The following MARK1 variants were observed in gnomAD, a reference collection of about 807,000 sequenced individuals.
MARK1 encodes microtubule affinity regulating kinase 1.
A neutral mutation model predicts 96.3 loss-of-function variants in MARK1; 40 were observed. That is an observed-to-expected ratio of 0.42 (90% CI 0.32 to 0.54). The LOEUF (loss-of-function observed/expected upper bound fraction) is 0.54, where lower values mean the gene tolerates loss of function less well. Ranked by LOEUF, MARK1 falls within the 20% of genes least tolerant of loss-of-function variation. The probability of loss-of-function intolerance (pLI) is 0.16; values close to 1 mark genes in which losing one functional copy is unlikely to be tolerated. For synonymous variants in MARK1, 317 were observed against 341.2 expected, an observed-to-expected ratio of 0.93 and a Z score of 0.78; for missense variants, 719 against 984.6, an observed-to-expected ratio of 0.73 and a Z score of 3.61.
chr1:220,609,478 A>G (rs1666298183), intron 6 of MARK1, among the ~76,000 whole-genome samples: 1 of 152,166 alleles, frequency 6.6e-6, no homozygotes, highest in Non-Finnish European at 1.5e-5. Flanking sequence ...TCCTGAATAC[A>G]GCACACTGAT....
intron 1 of MARK1, among the ~76,000 whole-genome samples, chr1:220,563,505 A>AAAC: frequency 6.6e-6 from 1 of 152,320 alleles, no homozygotes; most frequent in Non-Finnish European, 1.5e-5. Flanking sequence ...AATCAGATGA[A>AAAC]AACAAGTAAA....
intron 6 of MARK1, among the ~76,000 whole-genome samples, chr1:220,615,210 ACTGTTGG>A (rs1666670424): frequency 6.6e-6 from 1 of 152,076 alleles, no homozygotes; most frequent in Non-Finnish European, 1.5e-5. Flanking sequence ...TGGCCTTTAA[ACTGTTGG>A]GTTCCTCCTT....
intron 13 of MARK1, among the ~76,000 whole-genome samples, chr1:220,647,813 G>T (rs957794869): frequency 7.2e-5 from 11 of 152,164 alleles, no homozygotes; most frequent in Non-Finnish European, 1.5e-4. Context: ...AACACCACAT[G>T]TTCTCACTTA....
At chr1:220,619,752 T>C (rs1224513750) in intron 9 of MARK1, among the ~76,000 whole-genome samples, 1 of 152,260 alleles carries the variant, frequency 6.6e-6, no homozygotes, top group Admixed American at 6.5e-5. Flanking sequence ...TTAAGTATTT[T>C]GCCCATCTGT....
rs6670387 is a variant in MARK1, at chr1:220,623,136, T to C, written c.909+4381T>C. On this transcript the variant is annotated intron_variant, in intron 9 of 17. Transcript: ENST00000366917. ...GATGAGTTTATTCAGCTAGTTTCTA[T>C]GTCTAGTGCAGTTGGTTGGCCTAGT... Among the ~76,000 whole-genome samples, 1,314 of 152,320 alleles carry C rather than the reference T, an allele frequency of 8.6e-3. 16 individuals are homozygous for C. Among genetic ancestry groups the C allele is most frequent in the African/African-American group, 0.029 (1,201 of 41,568 alleles).
chr1:220,625,751 A>C (rs1036583993), intron 9 of MARK1: 11 of 445,728 alleles, frequency 2.5e-5, no homozygotes, highest in African/African-American at 2.2e-4. Flanking sequence ...TGACGCAGAC[A>C]CAGGGCACCA....
At chr1:220,565,557 G>A (rs1244065166) in intron 1 of MARK1, among the ~76,000 whole-genome samples, 1 of 151,932 alleles carries the variant, frequency 6.6e-6, no homozygotes, top group Non-Finnish European at 1.5e-5. Context: ...GATTGCCTAT[G>A]AAGAGCGGGG....
At chr1:220,650,553 A>G in intron 13 of MARK1, 67 bp from the exon 14 acceptor site, 1 of 1,018,004 alleles carries the variant, frequency 9.8e-7, no homozygotes, top group Non-Finnish European at 1.5e-6. Flanking sequence ...GTCAGCTTAA[A>G]TACATTTCTT....
intron 9 of MARK1, among the ~76,000 whole-genome samples, chr1:220,630,422 C>T (rs574955694): frequency 6.6e-6 from 1 of 152,262 alleles, no homozygotes; most frequent in African/African-American, 2.4e-5. Flanking sequence ...TGCCTTTTAA[C>T]AGCCCAGGAC....
chr1:220,546,425 G>T (rs1661495526), intron 1 of MARK1, among the ~76,000 whole-genome samples: 1 of 152,178 alleles, frequency 6.6e-6, no homozygotes, highest in Admixed American at 6.5e-5. Context: ...ATTTAGGGCA[G>T]AAGAATAGGA....
At chr1:220,558,447 T>G (rs2102767622) in intron 1 of MARK1, among the ~76,000 whole-genome samples, 1 of 151,908 alleles carries the variant, frequency 6.6e-6, no homozygotes, top group East Asian at 1.9e-4. Context: ...AAAAAATAGT[T>G]TCTCAGCTTG....
At chr1:220,656,223 A>G (rs1244185729) in intron 16 of MARK1, among the ~76,000 whole-genome samples, 1 of 152,224 alleles carries the variant, frequency 6.6e-6, no homozygotes, top group Non-Finnish European at 1.5e-5. Context: ...GGCTACTTAA[A>G]GCAGACTTCC....
intron 1 of MARK1, among the ~76,000 whole-genome samples, chr1:220,555,266 C>T (rs1438634099): frequency 1.3e-5 from 2 of 152,162 alleles, no homozygotes; most frequent in African/African-American, 2.4e-5. Flanking sequence ...GCATGGAAAT[C>T]TATTACATAA....
At chr1:220,529,259 G>A (rs1660144918) in intron 1 of MARK1, among the ~76,000 whole-genome samples, 1 of 152,016 alleles carries the variant, frequency 6.6e-6, no homozygotes, top group South Asian at 2.1e-4. Context: ...CAGACGAGCC[G>A]GCTACCTCTC....
chr1:220,661,390 C>T (rs1037482421), intron 17 of MARK1, among the ~76,000 whole-genome samples: 15 of 152,028 alleles, frequency 9.9e-5, no homozygotes, highest in African/African-American at 1.9e-4. Flanking sequence ...TCTGAAGTTA[C>T]GACATTCCTC....
At chr1:220,566,694 T>C (rs528771776) in intron 1 of MARK1, among the ~76,000 whole-genome samples, 11 of 152,300 alleles carry the variant, frequency 7.2e-5, no homozygotes, top group African/African-American at 2.6e-4. Flanking sequence ...TAGTAGATAT[T>C]TAGTTAGCCT....
intron 3 of MARK1, among the ~76,000 whole-genome samples, chr1:220,590,638 TC>T (rs765079138): frequency 1.3e-5 from 2 of 152,162 alleles, no homozygotes; most frequent in Non-Finnish European, 2.9e-5. Context: ...AGCTGACAAT[TC>T]AAGTGTTTCT....
intron 6 of MARK1, among the ~76,000 whole-genome samples, chr1:220,613,794 A>G (rs1666588696): frequency 6.6e-6 from 1 of 152,170 alleles, no homozygotes; most frequent in South Asian, 2.1e-4. Flanking sequence ...CATACTTCAA[A>G]TTGATTATAA....
intron 1 of MARK1, among the ~76,000 whole-genome samples, chr1:220,560,651 A>G (rs1465681280): frequency 6.6e-6 from 1 of 152,204 alleles, no homozygotes; most frequent in Non-Finnish European, 1.5e-5. Flanking sequence ...TGTATGCTGC[A>G]CAAAGGCATG....
Sources: allele counts gnomAD v4.1 joint callset (sites outside exome capture counted in the v4.1 genomes callset), GRCh38; gene constraint gnomAD v4.1.1; transcripts MANE v1.5; gene names NCBI Gene and HGNC (gene_info 2026-07-23, HGNC 2026-07-21).